The following ADRA1A variants were observed in gnomAD, a reference collection of about 807,000 sequenced individuals.
The protein encoded by ADRA1A is adrenoceptor alpha 1A, also known as alpha-1A adrenergic receptor.
Under a neutral mutation model 29.6 loss-of-function variants are expected in ADRA1A, and 31 were observed. The ratio of observed to expected loss-of-function variants is 1.05; its 90% confidence interval spans 0.79 to 1.41. The LOEUF (loss-of-function observed/expected upper bound fraction) is 1.41. ADRA1A is among the 40% of genes most tolerant of loss of function. ADRA1A has a pLI of 0.00. For synonymous variants in ADRA1A, 311 were observed against 254.3 expected, an observed-to-expected ratio of 1.22 and a Z score of -2.12; for missense variants, 619 against 601.1, an observed-to-expected ratio of 1.03 and a Z score of -0.31.
In ADRA1A at chr8:26,815,112, C is replaced by T. The variant is rs1421341338; in HGVS notation, c.884-44446G>A. 2.6e-5 allele frequency among the ~76,000 whole-genome samples: 4 copies of T among 152,108 alleles called. No homozygotes were observed. The highest frequency in any genetic ancestry group is 6.5e-5 in the Admixed American group (1 of 15,268). ...CTTTTATTGGTCAATATAATTTAGA[C>T]GCATGGGCCAAAGTATCAAAAATTT... On this transcript the variant is annotated intron_variant, in intron 2 of 2. Transcript: ENST00000380573. This position sits in a 1 kb window ranked among gnomAD's most constrained non-coding sequence, Gnocchi z 4.2.
rs1208792254 is a variant in ADRA1A, at chr8:26,841,406, G to C, written c.883+22681C>G. Among the ~76,000 whole-genome samples, 1 of 152,130 alleles carries C rather than the reference G, an allele frequency of 6.6e-6. No individual in the cohort carries two copies. Among genetic ancestry groups the C allele is most frequent in the Non-Finnish European group, 1.5e-5 (1 of 68,028 alleles). ...CCTCCTTTCTTACTCCCTTCTAACT[G>C]TGAAGGCATCGGGCTTTCCCAGATA... On this transcript the variant is annotated intron_variant, in intron 2 of 2. Coordinates refer to ENST00000380573, the MANE Select transcript of ADRA1A (RefSeq NM_000680.4). This position sits in a 1 kb window ranked among gnomAD's most constrained non-coding sequence, Gnocchi z 4.4.
chr8:26,828,192 C>T (rs1041682323), intron 2 of ADRA1A, among the ~76,000 whole-genome samples: 3 of 152,180 alleles, frequency 2.0e-5, no homozygotes, highest in African/African-American at 7.2e-5. Flanking sequence ...CTGCACCTGG[C>T]CTTTCTTATT....
chr8:26,793,768 A>C (rs1410108831), intron 2 of ADRA1A, among the ~76,000 whole-genome samples: 2 of 151,958 alleles, frequency 1.3e-5, no homozygotes, highest in Middle Eastern at 3.2e-3. Context: ...ATATATGAAA[A>C]CTATAATGAT....
intron 2 of ADRA1A, among the ~76,000 whole-genome samples, chr8:26,863,452 C>T (rs1255736065): frequency 6.6e-6 from 1 of 152,062 alleles, no homozygotes; most frequent in African/African-American, 2.4e-5. Context: ...TAAGTATTTA[C>T]TTATTGGAAA....
chr8:26,761,621 C>A (rs1036313895), downstream of ADRA1A, among the ~76,000 whole-genome samples: 5 of 152,220 alleles, frequency 3.3e-5, no homozygotes, highest in Non-Finnish European at 5.9e-5. Flanking sequence ...AAACAACCAG[C>A]CAACGCCTTA....
intron 2 of ADRA1A, among the ~76,000 whole-genome samples, chr8:26,757,588 A>G (rs1805259524): frequency 6.6e-6 from 1 of 150,670 alleles, no homozygotes; most frequent in Non-Finnish European, 1.5e-5. Context: ...ATGTAGCATG[A>G]GGTGTGACCT....
At chr8:26,804,715 T>C (rs1049974506) in intron 2 of ADRA1A, among the ~76,000 whole-genome samples, 2 of 152,170 alleles carry the variant, frequency 1.3e-5, no homozygotes, top group African/African-American at 4.8e-5. Context: ...GTTTGGGATC[T>C]AACTCCAGAA....
chr8:26,784,163 G>A (rs1229614523), intron 2 of ADRA1A, among the ~76,000 whole-genome samples: 1 of 152,150 alleles, frequency 6.6e-6, no homozygotes, highest in Non-Finnish European at 1.5e-5. Flanking sequence ...CCTGCAACAT[G>A]TACCCCGGAA....
intron 2 of ADRA1A, among the ~76,000 whole-genome samples, chr8:26,837,212 TA>T (rs1187145572): frequency 1.3e-5 from 2 of 152,208 alleles, no homozygotes; most frequent in African/African-American, 4.8e-5. Flanking sequence ...TCAGGCTTTT[TA>T]AAAAAGCTTT....
intron 2 of ADRA1A, among the ~76,000 whole-genome samples, chr8:26,797,724 T>C (rs1356276203): frequency 6.6e-6 from 1 of 152,000 alleles, no homozygotes; most frequent in Non-Finnish European, 1.5e-5. Flanking sequence ...ATTTTAAGAG[T>C]GTAGAGGGGT....
downstream of ADRA1A, among the ~76,000 whole-genome samples, chr8:26,766,884 T>C (rs1247391076): frequency 2.6e-5 from 4 of 152,078 alleles, no homozygotes; most frequent in African/African-American, 9.7e-5. Context: ...AGAATATTTA[T>C]TTACCCAAAC....
Position 26,860,259 on chromosome 8 carries a change from T to C in ADRA1A, c.883+3828A>G, listed in dbSNP as rs1429133704. Among the ~76,000 whole-genome samples the C allele has an allele frequency of 1.3e-5, 2 of 152,100 alleles. No individual in the cohort carries two copies. The highest frequency in any genetic ancestry group is 2.9e-5 in the Non-Finnish European group (2 of 68,022). ...CCCAGGCCATTGTTTCTCATCTCTA[T>C]GCATAGCTCAGCCACCACTGCAAGC... On this transcript the variant is annotated intron_variant, in intron 2 of 2. Coordinates refer to ENST00000380573, the MANE Select transcript of ADRA1A (RefSeq NM_000680.4). This position sits in a 1 kb window ranked among gnomAD's most constrained non-coding sequence, Gnocchi z 4.7.
intron 2 of ADRA1A, among the ~76,000 whole-genome samples, chr8:26,791,947 A>G (rs1807866351): frequency 2.0e-5 from 3 of 152,232 alleles, no homozygotes; most frequent in South Asian, 4.1e-4. Flanking sequence ...AGCCCACTGT[A>G]TTTCTTTAAT....
At position 26,805,032 on chromosome 8, in the gene ADRA1A, A is replaced by C. The variant is rs1395617572; in HGVS notation, c.884-34366T>G. Among the ~76,000 whole-genome samples the C allele has an allele frequency of 6.6e-6, 1 of 152,052 alleles. No individual in the cohort carries two copies. Among genetic ancestry groups the C allele is most frequent in the African/African-American group, 2.4e-5 (1 of 41,390 alleles). ...GCATGCACACACACAAACATACACC[A>C]CTCAGGTTTCATAGACATTATTTCT... On this transcript the variant is annotated intron_variant, in intron 2 of 2. Coordinates refer to ENST00000380573, the MANE Select transcript of ADRA1A (RefSeq NM_000680.4). This position sits in a 1 kb window ranked among gnomAD's most constrained non-coding sequence, Gnocchi z 4.8.
chr8:26,803,081 C>A, intron 2 of ADRA1A, among the ~76,000 whole-genome samples: 1 of 151,462 alleles, frequency 6.6e-6, no homozygotes, highest in Middle Eastern at 3.4e-3. Context: ...GACTGGGAAG[C>A]GTAGTGGGAG....
At chr8:26,851,741 CAT>C (rs2130746253) in intron 2 of ADRA1A, among the ~76,000 whole-genome samples, 1 of 152,038 alleles carries the variant, frequency 6.6e-6, no homozygotes, top group South Asian at 2.1e-4. Flanking sequence ...GAAGCAAAAA[CAT>C]AAACATATAT....
rs1024248607 is a variant in ADRA1A, at chr8:26,806,554, C to T, written c.884-35888G>A. Among the ~76,000 whole-genome samples, 1 of 152,168 alleles carries T rather than the reference C, an allele frequency of 6.6e-6. No individual in the cohort carries two copies. The highest frequency in any genetic ancestry group is 2.4e-5 in the African/African-American group (1 of 41,438). On this transcript the variant is annotated intron_variant, in intron 2 of 2. Transcript: ENST00000380573. This position sits in a 1 kb window ranked among gnomAD's most constrained non-coding sequence, Gnocchi z 4.6. Reference sequence around the variant, plus strand: ...TGGTGTGGGAATCCAGATAGCAACTCATCACTAAGGAGGGCCACCATTAAT... The same window carrying T: ...TGGTGTGGGAATCCAGATAGCAACTTATCACTAAGGAGGGCCACCATTAAT...
intron 2 of ADRA1A, among the ~76,000 whole-genome samples, chr8:26,792,732 G>A (rs985978713): frequency 1.7e-4 from 25 of 147,520 alleles, no homozygotes; most frequent in South Asian, 1.3e-3. Flanking sequence ...GGTCATATAC[G>A]TTGGTGATTA....
At chr8:26,762,806 T>C (rs1350203318), downstream of ADRA1A, among the ~76,000 whole-genome samples, 5 of 152,154 alleles carry the variant, frequency 3.3e-5, no homozygotes, top group African/African-American at 9.6e-5. This position sits in a 1 kb window ranked among gnomAD's most constrained non-coding sequence, Gnocchi z 4.0. Flanking sequence ...TGGAGCCTCC[T>C]CTCTCAACAC....
Sources: allele counts gnomAD v4.1 joint callset (sites outside exome capture counted in the v4.1 genomes callset), GRCh38; gene constraint gnomAD v4.1.1; non-coding constraint Gnocchi (gnomAD v3.1); transcripts MANE v1.5; gene names NCBI Gene and HGNC (gene_info 2026-07-23, HGNC 2026-07-21).